The following WASHC2A variants were observed in gnomAD, a reference collection of about 807,000 sequenced individuals.
WASHC2A encodes WASH complex subunit FAM21A.
A neutral mutation model predicts 140.3 loss-of-function variants in WASHC2A; 82 were observed. The observed-to-expected ratio is 0.58, with a 90% confidence interval of 0.49 to 0.70. WASHC2A has a LOEUF of 0.70. Among genes scored for constraint, WASHC2A ranks in the 30% least tolerant of loss-of-function variants. The pLI is 0.00. For synonymous variants in WASHC2A, 340 were observed against 560.8 expected, an observed-to-expected ratio of 0.61 and a Z score of 5.56; for missense variants, 985 against 1,521.8, an observed-to-expected ratio of 0.65 and a Z score of 5.87.
intron 23 of WASHC2A, among the ~76,000 whole-genome samples, chr10:50,124,869 C>CATATAT (rs3067568): frequency 3.5e-4 from 52 of 149,272 alleles, no homozygotes; most frequent in South Asian, 1.3e-3. Context: ...AAAGCTTGTG[C>CATATAT]ATATATATAT....
At chr10:50,114,175 C>T (rs1554891278) in intron 21 of WASHC2A, among the ~76,000 whole-genome samples, 178 bp downstream of exon 21, 1 of 93,146 alleles carries the variant, frequency 1.1e-5, no homozygotes, top group African/African-American at 4.3e-5. Context: ...AAGAAGCACA[C>T]GTGCAAAACC....
chr10:50,124,457 G>C (rs1354329413), intron 23 of WASHC2A, among the ~76,000 whole-genome samples: 1 of 151,874 alleles, frequency 6.6e-6, no homozygotes, highest in Non-Finnish European at 1.5e-5. Flanking sequence ...ATGAATTTTA[G>C]AATGTCAGGT....
At position 50,099,962 on chromosome 10, in the gene WASHC2A, C is replaced by G. The variant is rs200549916; in HGVS notation, c.1549-16C>G. ...TCTTTTTTTCTTCCCCACCCCCCCC[C>G]CCACCCCCGACAAAGGTTACCTTAT... is the stretch of plus-strand genomic sequence containing the variant. On this transcript the variant is annotated splice_polypyrimidine_tract_variant and intron_variant, in intron 16 of 30. Coordinates refer to ENST00000282633, the MANE Select transcript of WASHC2A (RefSeq NM_001005751.3). 233 of 1,333,450 alleles carry G rather than the reference C, an allele frequency of 1.7e-4. 1 individual carries two copies. The highest frequency in any genetic ancestry group is 2.0e-4 in the Non-Finnish European group (201 of 983,664). 82.6% of individuals were successfully genotyped at this position (1,333,450 alleles called of 1,614,324 possible).
chr10:50,090,372 G>A (rs1435550721), intron 8 of WASHC2A, among the ~76,000 whole-genome samples: 2 of 150,358 alleles, frequency 1.3e-5, no homozygotes, highest in Non-Finnish European at 3.0e-5. Flanking sequence ...GCGTGGTGGT[G>A]CATGCGTGTA....
intron 3 of WASHC2A, among the ~76,000 whole-genome samples, chr10:50,076,003 C>T (rs1472043711): frequency 6.6e-6 from 1 of 151,750 alleles, no homozygotes; most frequent in Non-Finnish European, 1.5e-5. Flanking sequence ...CAACCTCTGC[C>T]TCCCAAGTTT....
intron 23 of WASHC2A, among the ~76,000 whole-genome samples, chr10:50,124,349 C>T (rs1421887826): frequency 6.6e-6 from 1 of 151,580 alleles, no homozygotes; most frequent in East Asian, 1.9e-4. Context: ...GGTAATCCAC[C>T]CACCTTGGCC....
At chr10:50,128,738 A>G (rs2597012) in intron 28 of WASHC2A, among the ~76,000 whole-genome samples, 10 of 152,140 alleles carry the variant, frequency 6.6e-5, no homozygotes, top group Non-Finnish European at 1.0e-4. Flanking sequence ...ACTTTGCCCA[A>G]AGTAGATTGT....
chr10:50,102,111 T>G (rs1449810629), intron 17 of WASHC2A, among the ~76,000 whole-genome samples: 1 of 152,198 alleles, frequency 6.6e-6, no homozygotes, highest in Non-Finnish European at 1.5e-5. Flanking sequence ...GGTGGGAGTG[T>G]AAATGTACTC....
Position 50,093,879 on chromosome 10 carries a change from C to T in WASHC2A, c.1142C>T (p.Ala381Val). The T allele has an allele frequency of 3.1e-6, 5 of 1,609,288 alleles. No individual in the cohort carries two copies. Among genetic ancestry groups the T allele is most frequent in the East Asian group, 4.5e-5 (2 of 44,894 alleles). ...AACCAGAGTGACCTCTTCACGGAAG[C>T]CCCCCAGGATCGGCAAGCTGGAGCC... ...EDEESDLFTE[A>V]PQDRQAGASV... The change falls in exon 13 of 31, where the codon GCC (alanine) becomes GTC (valine). Residue 381 changes from alanine (A) to valine (V), a missense_variant. Coordinates refer to ENST00000282633, the MANE Select transcript of WASHC2A (RefSeq NM_001005751.3).
intron 20 of WASHC2A, chr10:50,112,398 A>T (rs1398809435): frequency 3.3e-6 from 1 of 305,458 alleles, no homozygotes; most frequent in Non-Finnish European, 4.5e-6. Context: ...CACACACAAG[A>T]AGAAGTTGAG....
At chr10:50,102,832 TG>T (rs1841344262) in intron 17 of WASHC2A, among the ~76,000 whole-genome samples, 1 of 150,524 alleles carries the variant, frequency 6.6e-6, no homozygotes, top group South Asian at 2.1e-4. Flanking sequence ...GATAAGCTGA[TG>T]TTTTATAACA....
In WASHC2A at chr10:50,090,795, A is replaced by T; in HGVS notation, c.752A>T (p.Asp251Val). ...EQNRHTTQMS[D>V]EEEDDDGCDL... ...TCTTAGCACACCACACAAATGAGTGATGAGGAAGAGGATGATGATGGCTGT... is the reference window on the plus strand; with the variant it reads ...TCTTAGCACACCACACAAATGAGTGTTGAGGAAGAGGATGATGATGGCTGT... The change falls in exon 9 of 31, where the codon GAT (aspartate) becomes GTT (valine). Residue 251 changes from aspartate (D) to valine (V), a missense_variant. Asp to Val is a radical substitution (Grantham distance 152). Transcript: ENST00000282633. 9 of 1,611,322 alleles carry T rather than the reference A, an allele frequency of 5.6e-6. No homozygotes were observed. The highest frequency in any genetic ancestry group is 1.3e-5 in the African/African-American group (1 of 74,834).
chr10:50,094,633 C>G (rs1415170425), intron 13 of WASHC2A, among the ~76,000 whole-genome samples: 8 of 152,154 alleles, frequency 5.3e-5, no homozygotes, highest in African/African-American at 1.9e-4. Flanking sequence ...GCTCCTTGTG[C>G]CTGCTGTGCG....
At chr10:50,080,018 G>T (rs1237351959) in intron 4 of WASHC2A, among the ~76,000 whole-genome samples, 1 of 150,986 alleles carries the variant, frequency 6.6e-6, no homozygotes, top group Non-Finnish European at 1.5e-5. Context: ...AACACTGTGT[G>T]GTTTGGTTCC....
Position 50,117,933 on chromosome 10 carries a change from C to T in WASHC2A, c.2170C>T (p.Pro724Ser). 1 of 1,548,222 alleles carries T rather than the reference C, an allele frequency of 6.5e-7. No individual in the cohort carries two copies. Among genetic ancestry groups the T allele is most frequent in the East Asian group, 2.3e-5 (1 of 44,126 alleles). The change falls in exon 22 of 31, where the codon CCT (proline) becomes TCT (serine). Residue 724 changes from proline to serine, a missense_variant. Transcript: ENST00000282633. ...AAAAGAGACTGTCTCTGAGGCACCA[C>T]CTTTGCTGTTCAGCGATGAAGAAGA... ...KKKETVSEAP[P>S]LLFSDEEEKE...
At chr10:50,094,412 C>A (rs1449670058) in intron 13 of WASHC2A, among the ~76,000 whole-genome samples, 1 of 147,786 alleles carries the variant, frequency 6.8e-6, no homozygotes, top group African/African-American at 2.5e-5. Flanking sequence ...CAAGTGATCA[C>A]CCGCCTAGAC....
rs537674621 is a variant in WASHC2A, at chr10:50,069,748, G to A, written c.291+37G>A. On this transcript the variant is annotated intron_variant, in intron 3 of 30. Transcript: ENST00000282633. ...AGTTATATTATCATTCCTTTTTTGGGAGTAGGAGATATTGTAATTTTAAAT... is the reference window on the plus strand; with the variant it reads ...AGTTATATTATCATTCCTTTTTTGGAAGTAGGAGATATTGTAATTTTAAAT... The A allele has an allele frequency of 8.8e-6, 14 of 1,581,944 alleles. No individual in the cohort carries two copies. In the East Asian group the frequency reaches 2.0e-4, roughly 23 times the overall value.
chr10:50,080,053 A>G (rs1420489781), intron 4 of WASHC2A, among the ~76,000 whole-genome samples: 1 of 151,946 alleles, frequency 6.6e-6, no homozygotes, highest in African/African-American at 2.4e-5. Flanking sequence ...TAGAGGGGGA[A>G]ATGACACTAA....
chr10:50,086,585 T>C, intron 7 of WASHC2A, among the ~76,000 whole-genome samples: 1 of 116,654 alleles, frequency 8.6e-6, no homozygotes. Flanking sequence ...CCCAATGCTA[T>C]CCCTCCCCCC....
Sources: gnomAD v4.1 joint callset for allele counts (sites outside exome capture counted in the v4.1 genomes callset) on GRCh38, gnomAD v4.1.1 for gene constraint, MANE v1.5 for transcripts, NCBI Gene and HGNC (gene_info 2026-07-23, HGNC 2026-07-21) for gene names.